The following KCNK13 variants were observed in gnomAD, a reference collection of about 807,000 sequenced individuals.
KCNK13 encodes the protein potassium channel subfamily K member 13.
KCNK13 carries 12 observed loss-of-function variants against 23.4 expected under a neutral mutation model. That is an observed-to-expected ratio of 0.51 (90% CI 0.33 to 0.83). The LOEUF (loss-of-function observed/expected upper bound fraction) is 0.83, where lower values mean the gene tolerates loss of function less well. KCNK13 is among the 40% of genes least tolerant of loss of function. The probability of loss-of-function intolerance (pLI) is 0.02; values close to 1 mark genes in which losing one functional copy is unlikely to be tolerated. For synonymous variants in KCNK13, 231 were observed against 229.5 expected (o/e 1.01, Z -0.06); for missense variants, 463 against 556.3 (o/e 0.83, Z 1.69).
intron 1 of KCNK13, among the ~76,000 whole-genome samples, chr14:90,099,246 C>A: frequency 6.6e-6 from 1 of 152,134 alleles, no homozygotes; most frequent in East Asian, 1.9e-4. Flanking sequence ...GGTTTCTCAG[C>A]GCAGTTGAAC....
chr14:90,178,333 C>G (rs1566653222), intron 1 of KCNK13, among the ~76,000 whole-genome samples: 1 of 150,506 alleles, frequency 6.6e-6, no homozygotes, highest in Non-Finnish European at 1.5e-5. Context: ...CTCTTGTTGC[C>G]CAGGCTAGAG....
chr14:90,167,968 A>G (rs1890322883), intron 1 of KCNK13, among the ~76,000 whole-genome samples: 1 of 152,198 alleles, frequency 6.6e-6, no homozygotes, highest in Non-Finnish European at 1.5e-5. Context: ...GTAAGGAGCA[A>G]CTATTTTCCT....
intron 1 of KCNK13, among the ~76,000 whole-genome samples, chr14:90,075,025 TTTTGTATTTTTATTTTATTATTTTATC>T (rs376644508): frequency 0.025 from 3,751 of 152,242 alleles, 167 homozygotes; most frequent in African/African-American, 0.085. Flanking sequence ...CTTAACACAT[TTTTGTATTTTTATTTTATTATTTTATC>T]TTTGTAGGGA....
rs141542963 is a variant in KCNK13 at position 90,102,229 on chromosome 14, C to T, written c.334+39690C>T. On this transcript the variant is annotated intron_variant, in intron 1 of 1. Coordinates refer to ENST00000282146, the MANE Select transcript of KCNK13 (RefSeq NM_022054.4). ...AGAAATCCCCCCATTGAAATGGACT[C>T]CTTCAGATCTATACGGGCTCCAGGA... Among the ~76,000 whole-genome samples the T allele has an allele frequency of 2.0e-3, 309 of 152,214 alleles. 3 individuals are homozygous for T. The highest frequency in any genetic ancestry group is 6.5e-3 in the African/African-American group (269 of 41,534).
intron 1 of KCNK13, among the ~76,000 whole-genome samples, chr14:90,139,267 C>T (rs1483065618): frequency 2.0e-5 from 3 of 152,204 alleles, no homozygotes; most frequent in Non-Finnish European, 2.9e-5. Flanking sequence ...GCAGGCTACT[C>T]TTCAGGTGGC....
At chr14:90,112,537 AAT>A (rs1889628162) in intron 1 of KCNK13, among the ~76,000 whole-genome samples, 1 of 152,232 alleles carries the variant, frequency 6.6e-6, no homozygotes, top group Non-Finnish European at 1.5e-5. Flanking sequence ...AAGGAAATAT[AAT>A]AGTTAAAATT....
At chr14:90,146,663 A>G (rs1890076956) in intron 1 of KCNK13, among the ~76,000 whole-genome samples, 1 of 151,940 alleles carries the variant, frequency 6.6e-6, no homozygotes, top group Non-Finnish European at 1.5e-5. Context: ...TTGTGTCTTT[A>G]TACTTAAAAA....
chr14:90,071,657 G>T (rs1412459102), intron 1 of KCNK13, among the ~76,000 whole-genome samples: 1 of 152,200 alleles, frequency 6.6e-6, no homozygotes, highest in East Asian at 1.9e-4. Flanking sequence ...GGAGAGAATT[G>T]GGAGGCCAAG....
rs59863610 is a variant in KCNK13 at position 90,142,313 on chromosome 14, C to CTTTTTTT, written c.335-41781_335-41775dup. On this transcript the variant is annotated intron_variant, in intron 1 of 1. Coordinates refer to ENST00000282146, the MANE Select transcript of KCNK13 (RefSeq NM_022054.4). The stretch of plus-strand genomic sequence containing the variant: ...GTTTTCTTGTTTTGGCTGTCCAATT[C>CTTTTTTT]TTTTTTTTTTTTTTTTTTTTTTTGA... Among the ~76,000 whole-genome samples, 96 of 85,234 alleles carry CTTTTTTT rather than the reference C, an allele frequency of 1.1e-3. 3 individuals are homozygous for CTTTTTTT. The highest frequency in any genetic ancestry group is 2.2e-3 in the Admixed American group (12 of 5,468). The allele number at this position is 85,234 out of a possible 152,430, so 55.9% of individuals were successfully genotyped here.
chr14:90,092,311 G>A (rs1198788090), intron 1 of KCNK13, among the ~76,000 whole-genome samples: 1 of 152,182 alleles, frequency 6.6e-6, no homozygotes, highest in East Asian at 1.9e-4. Context: ...CATGTTGATT[G>A]GGAGGTAGAG....
At chr14:90,069,121 CT>C (rs1452117853) in intron 1 of KCNK13, among the ~76,000 whole-genome samples, 2 of 144,128 alleles carry the variant, frequency 1.4e-5, no homozygotes, top group Non-Finnish European at 3.0e-5. Context: ...ACTGCAACCT[CT>C]GCCTCCCGGG....
chr14:90,184,893 G>A lies in KCNK13; in HGVS notation c.1117G>A (p.Gly373Ser), dbSNP rs761835982. 24 of 1,613,702 alleles carry A rather than the reference G, an allele frequency of 1.5e-5. No individual in the cohort carries two copies. The highest frequency in any genetic ancestry group is 2.2e-5 in the South Asian group (2 of 91,090). ...GAAGCAACTGTCTGAGATGGCCAAC[G>A]GCTGCCCCCACCAGACCAGCACACT... ...LQKQLSEMAN[G>S]CPHQTSTLAR... Residue 373 changes from glycine to serine, a missense_variant, in exon 2 of 2, where the codon GGC becomes AGC. By Grantham distance (56) the Gly-to-Ser change is moderately conservative. Transcript: ENST00000282146. This position sits in a 1 kb window ranked among gnomAD's most constrained non-coding sequence, Gnocchi z 5.6.
intron 1 of KCNK13, among the ~76,000 whole-genome samples, chr14:90,097,260 G>A (rs1467144595): frequency 6.6e-6 from 1 of 152,050 alleles, no homozygotes; most frequent in African/African-American, 2.4e-5. Flanking sequence ...GAAGTTCAAG[G>A]GCATGACCCT....
intron 1 of KCNK13, among the ~76,000 whole-genome samples, chr14:90,074,200 C>A (rs1420352678): frequency 6.6e-6 from 1 of 152,150 alleles, no homozygotes; most frequent in Non-Finnish European, 1.5e-5. Flanking sequence ...GAACTCCTGA[C>A]CTCGTGATCC....
At chr14:90,077,137 T>TTC (rs1889147612) in intron 1 of KCNK13, among the ~76,000 whole-genome samples, 6 of 148,686 alleles carry the variant, frequency 4.0e-5, no homozygotes, top group Admixed American at 6.7e-5. Context: ...TTTTTTTTTT[T>TTC]AGACGAAGTT....
Position 90,184,093 on chromosome 14 carries a change from C to G in KCNK13, c.335-18C>G, listed in dbSNP as rs764162222. The G allele has an allele frequency of 2.5e-6, 4 of 1,599,238 alleles. No homozygotes were observed. The highest frequency in any genetic ancestry group is 3.4e-6 in the Non-Finnish European group (4 of 1,171,026). Reference sequence around the variant, plus strand: ...GCAAAGATTTCTCTTACTCTTCTCTCATTTTTCTCTCCTGCAGGGTTTGGG... The same window carrying G: ...GCAAAGATTTCTCTTACTCTTCTCTGATTTTTCTCTCCTGCAGGGTTTGGG... On this transcript the variant is annotated intron_variant, in intron 1 of 1. Transcript: ENST00000282146. This position sits in a 1 kb window ranked among gnomAD's most constrained non-coding sequence, Gnocchi z 5.6.
At chr14:90,133,297 T>C (rs1889896251) in intron 1 of KCNK13, among the ~76,000 whole-genome samples, 1 of 152,138 alleles carries the variant, frequency 6.6e-6, no homozygotes. Flanking sequence ...CCATATACTG[T>C]GTGATCCCAT....
Position 90,062,201 on chromosome 14 carries a change from C to T in KCNK13, c.-5C>T, listed in dbSNP as rs767610217. ...GGCCTGGGGGCTGCCCCCGGGGGCC[C>T]GGCCATGGCTGGCCGGGGTTTCAGC... On this transcript the variant is annotated 5_prime_UTR_variant, in exon 1 of 2. Transcript: ENST00000282146. The surrounding 1 kb of genome is among the most constrained non-coding windows in gnomAD (Gnocchi z 4.5). The T allele has an allele frequency of 7.9e-6, 11 of 1,394,246 alleles. No individual in the cohort carries two copies. The highest frequency in any genetic ancestry group is 9.3e-6 in the Non-Finnish European group (10 of 1,079,354). The allele number at this position is 1,394,246 out of a possible 1,614,324, so 86.4% of individuals were successfully genotyped here.
chr14:90,109,715 T>TTTA (rs1438879415), intron 1 of KCNK13, among the ~76,000 whole-genome samples: 6 of 98,884 alleles, frequency 6.1e-5, no homozygotes, highest in African/African-American at 2.6e-4. Flanking sequence ...TGGCCCTTTA[T>TTTA]TTTTTTTTTT....
Sources: gnomAD v4.1 joint callset for allele counts (sites outside exome capture counted in the v4.1 genomes callset) on GRCh38, gnomAD v4.1.1 for gene constraint, Gnocchi (gnomAD v3.1) non-coding constraint, MANE v1.5 for transcripts, NCBI Gene and HGNC (gene_info 2026-07-23, HGNC 2026-07-21) for gene names.